The following DCC variants were observed in gnomAD, a reference collection of about 807,000 sequenced individuals.
The protein encoded by DCC is netrin receptor DCC.
Under a neutral mutation model 172.5 loss-of-function variants are expected in DCC, and 58 were observed. The ratio of observed to expected loss-of-function variants is 0.34; its 90% CI spans 0.27 to 0.42. The LOEUF (loss-of-function observed/expected upper bound fraction) is 0.42, where lower values mean the gene tolerates loss of function less well. DCC is among the 10% of genes least tolerant of loss of function. DCC has a pLI of 1.00. For synonymous variants in DCC, 709 were observed against 644.5 expected (o/e 1.10, Z -1.52); for missense variants, 1,740 against 1,791.0 (o/e 0.97, Z 0.51).
chr18:52,533,431 A>G (rs2032205358), intron 1 of DCC, among the ~76,000 whole-genome samples: 1 of 152,102 alleles, frequency 6.6e-6, no homozygotes, highest in African/African-American at 2.4e-5. Flanking sequence ...TCTCGCAACC[A>G]CTAAACCGAT....
intron 26 of DCC, among the ~76,000 whole-genome samples, chr18:53,489,511 T>C (rs1039069428): frequency 3.9e-5 from 6 of 152,140 alleles, no homozygotes; most frequent in Admixed American, 1.3e-4. Context: ...CAGAAAACAT[T>C]TCATGAATCT....
chr18:52,778,035 A>G (rs1011336645), intron 2 of DCC, among the ~76,000 whole-genome samples: 3 of 152,344 alleles, frequency 2.0e-5, no homozygotes, highest in African/African-American at 4.8e-5. Context: ...ATGGTCACCA[A>G]TATAGATAAT....
chr18:52,712,653 A>C (rs1311799520), intron 1 of DCC, among the ~76,000 whole-genome samples: 1 of 152,210 alleles, frequency 6.6e-6, no homozygotes, highest in Non-Finnish European at 1.5e-5. Flanking sequence ...GCAAATAGTC[A>C]AGTCACATTG....
At chr18:53,397,212 T>C in intron 17 of DCC, 96 bp from the exon 18 acceptor site, 1 of 1,192,836 alleles carries the variant, frequency 8.4e-7, no homozygotes, top group Non-Finnish European at 1.2e-6. Flanking sequence ...GTAGATTACT[T>C]TTGTGTTAGC....
chr18:53,051,780 A>G (rs987651358), intron 5 of DCC, among the ~76,000 whole-genome samples: 2 of 152,046 alleles, frequency 1.3e-5, no homozygotes, highest in Non-Finnish European at 2.9e-5. Flanking sequence ...TATCTTATAT[A>G]TCTTTACGCC....
intron 5 of DCC, among the ~76,000 whole-genome samples, chr18:52,939,271 A>G (rs1055942865): frequency 6.6e-6 from 1 of 152,144 alleles, no homozygotes; most frequent in Non-Finnish European, 1.5e-5. Flanking sequence ...TGACTCTTCG[A>G]CTGGATCATA....
At chr18:53,002,773 G>T (rs1451726213) in intron 5 of DCC, among the ~76,000 whole-genome samples, 1 of 152,164 alleles carries the variant, frequency 6.6e-6, no homozygotes, top group East Asian at 1.9e-4. Flanking sequence ...TTGAATGAGT[G>T]TTAGCCTTGA....
chr18:52,959,293 T>G (rs1195299067), intron 5 of DCC, among the ~76,000 whole-genome samples: 1 of 152,138 alleles, frequency 6.6e-6, no homozygotes, highest in Non-Finnish European at 1.5e-5. Flanking sequence ...GGTTTGCTTT[T>G]CAGAGCATTC....
At chr18:53,073,738 A>G (rs2042686839) in intron 7 of DCC, among the ~76,000 whole-genome samples, 1 of 152,032 alleles carries the variant, frequency 6.6e-6, no homozygotes, top group Non-Finnish European at 1.5e-5. Context: ...CATTTTATTA[A>G]GTCAGTATAT....
intron 1 of DCC, among the ~76,000 whole-genome samples, chr18:52,629,500 T>C (rs767245075): frequency 2.6e-5 from 4 of 152,108 alleles, no homozygotes; most frequent in Non-Finnish European, 4.4e-5. Context: ...GGAGACCACA[T>C]GTAAAATATT....
At chr18:53,427,060 A>G (rs895549759) in intron 21 of DCC, among the ~76,000 whole-genome samples, 2 of 152,118 alleles carry the variant, frequency 1.3e-5, no homozygotes, top group African/African-American at 4.8e-5. Flanking sequence ...AACCACGCAG[A>G]TGGGGGAGGC....
chr18:52,539,452 C>T (rs1404739735), intron 1 of DCC, among the ~76,000 whole-genome samples: 2 of 152,174 alleles, frequency 1.3e-5, no homozygotes, highest in African/African-American at 4.8e-5. Flanking sequence ...GGCCAGTGAG[C>T]ATTACCACCT....
chr18:53,207,917 T>C, intron 11 of DCC, 100 bp downstream of exon 11: 1 of 1,139,670 alleles, frequency 8.8e-7, no homozygotes, highest in South Asian at 1.2e-5. Context: ...TTTCAAGGCT[T>C]CCTGACTAAA....
chr18:52,668,934 C>G (rs1222633546), intron 1 of DCC, among the ~76,000 whole-genome samples: 2 of 152,186 alleles, frequency 1.3e-5, no homozygotes, highest in Non-Finnish European at 2.9e-5. Flanking sequence ...CGCTGCCTAG[C>G]AGAGCTGATT....
At chr18:52,896,440 T>G (rs565888660) in intron 2 of DCC, among the ~76,000 whole-genome samples, 2 of 152,308 alleles carry the variant, frequency 1.3e-5, no homozygotes, top group East Asian at 3.9e-4. Flanking sequence ...TGAAAGATAG[T>G]TGCCACTATT....
chr18:52,593,231 G>T (rs150383248), intron 1 of DCC, among the ~76,000 whole-genome samples: 240 of 152,240 alleles, frequency 1.6e-3, no homozygotes, highest in African/African-American at 5.4e-3. Flanking sequence ...AACTTACAGG[G>T]TTTTTCAGAA....
At chr18:52,768,360 G>A (rs62081921) in intron 2 of DCC, among the ~76,000 whole-genome samples, 15,085 of 152,176 alleles carry the variant, frequency 0.099, 956 homozygotes, top group Middle Eastern at 0.22. Context: ...GCAGGGAGAA[G>A]GCTTACCTAT....
At chr18:52,613,726 C>T (rs1194446624) in intron 1 of DCC, among the ~76,000 whole-genome samples, 1 of 152,144 alleles carries the variant, frequency 6.6e-6, no homozygotes, top group African/African-American at 2.4e-5. Flanking sequence ...CTTCTCTCTT[C>T]CGCATAGGAA....
chr18:53,199,986 A>G (rs9973086), intron 9 of DCC, among the ~76,000 whole-genome samples: 6,201 of 152,238 alleles, frequency 0.041, 398 homozygotes, highest in African/African-American at 0.14. Flanking sequence ...TCAGGAAACA[A>G]AAAGGCAGTT....
Sources: allele counts gnomAD v4.1 joint callset (sites outside exome capture counted in the v4.1 genomes callset), GRCh38; gene constraint gnomAD v4.1.1; transcripts MANE v1.5; gene names NCBI Gene and HGNC (gene_info 2026-07-23, HGNC 2026-07-21).